The following RGL3 variants were observed in gnomAD, a reference collection of about 807,000 sequenced individuals.
RGL3 encodes the protein ral guanine nucleotide dissociation stimulator like 3, also known as ral guanine nucleotide dissociation stimulator-like 3.
A neutral mutation model predicts 90.6 loss-of-function variants in RGL3; 85 were observed. That is an observed-to-expected ratio of 0.94 (90% CI 0.79 to 1.12). The LOEUF (loss-of-function observed/expected upper bound fraction) is 1.12, where lower values mean the gene tolerates loss of function less well. Ranked by LOEUF, RGL3 falls within the 50% of genes most tolerant of loss-of-function variation. The probability of loss-of-function intolerance (pLI) is 0.00; values close to 1 mark genes in which losing one functional copy is unlikely to be tolerated. For synonymous variants in RGL3, 408 were observed against 385.5 expected (o/e 1.06, Z -0.68); for missense variants, 1,034 against 939.2 (o/e 1.10, Z -1.32).
In RGL3 at chr19:11,400,280, A is replaced by G; in HGVS notation, c.1502T>C (p.Val501Ala). 1 of 1,590,780 alleles carries G rather than the reference A, an allele frequency of 6.3e-7. No homozygotes were observed. The highest frequency in any genetic ancestry group is 1.1e-5 in the South Asian group (1 of 87,996). The change falls in exon 14 of 19, where the codon GTC (valine) becomes GCC (alanine). Residue 501 changes from valine (V) to alanine (A), a missense_variant. Val to Ala is a moderately conservative substitution (Grantham distance 64, BLOSUM62 0). Coordinates refer to ENST00000380456, the MANE Select transcript of RGL3 (RefSeq NM_001035223.4). The part of the protein sequence containing the change: ...TEEQSYRLSR[V>A]IEPPAASCPS... ...GCAGGAGGCAGCTGGTGGCTCAATG[A>G]CCCGGGAGAGCCGGTAGCTGAGGGG...
intron 9 of RGL3, among the ~76,000 whole-genome samples, chr19:11,404,848 C>T (rs541907219): frequency 3.0e-4 from 45 of 152,176 alleles, no homozygotes; most frequent in Non-Finnish European, 5.6e-4. Flanking sequence ...GTAAAGTCCT[C>T]AGAACATTTT....
intron 13 of RGL3, among the ~76,000 whole-genome samples, chr19:11,401,616 G>A (rs541874476): frequency 2.0e-5 from 3 of 151,818 alleles, no homozygotes; most frequent in Non-Finnish European, 2.9e-5. Context: ...AGCCAGGCTG[G>A]TCTCAAACTC....
At chr19:11,397,211 C>G (rs375550962) in intron 18 of RGL3, 33 bp downstream of exon 18, 2 of 1,590,564 alleles carry the variant, frequency 1.3e-6, no homozygotes, top group Non-Finnish European at 1.7e-6. Context: ...CCCCGCTGCC[C>G]CCTATCCTGA....
chr19:11,411,643 G>A (rs1241597734), intron 5 of RGL3, among the ~76,000 whole-genome samples: 2 of 152,146 alleles, frequency 1.3e-5, no homozygotes, highest in African/African-American at 4.8e-5. Context: ...TGTTTTTGAG[G>A]CAGGGTCTCG....
At chr19:11,396,158 ATTTTTTTTTTTTTTT>A (rs1169850022) in intron 18 of RGL3, among the ~76,000 whole-genome samples, 2 of 25,632 alleles carry the variant, frequency 7.8e-5, no homozygotes, top group South Asian at 2.0e-3. Context: ...ATATATATAT[ATTTTTTTTTTTTTTT>A]TTTTTTTTTT....
At chr19:11,405,521 T>A in intron 7 of RGL3, 95 bp from the exon 8 acceptor site, 1 of 727,936 alleles carries the variant, frequency 1.4e-6, no homozygotes, top group Non-Finnish European at 1.9e-6. Context: ...TTTTTTTTTT[T>A]TTTTTTTTTT....
chr19:11,418,236 T>G (rs916820487), intron 2 of RGL3, among the ~76,000 whole-genome samples: 2 of 10,740 alleles, frequency 1.9e-4, no homozygotes, highest in African/African-American at 3.3e-4. Flanking sequence ...TCCCGTCCCC[T>G]CCCCCCACCC....
intron 16 of RGL3, among the ~76,000 whole-genome samples, chr19:11,398,891 G>C (rs573683733): frequency 6.6e-6 from 1 of 150,752 alleles, no homozygotes; most frequent in Non-Finnish European, 1.5e-5. Context: ...GGATGGTCTC[G>C]ATCTCTTGAC....
intron 9 of RGL3, among the ~76,000 whole-genome samples, chr19:11,404,756 C>T (rs575352886): frequency 6.6e-6 from 1 of 152,208 alleles, no homozygotes; most frequent in South Asian, 2.1e-4. Context: ...TAAAAACCAG[C>T]GCCTGATTGC....
chr19:11,416,281 T>C (rs914713837), intron 4 of RGL3, 133 bp from the exon 5 acceptor site: 2 of 735,690 alleles, frequency 2.7e-6, no homozygotes, highest in Non-Finnish European at 2.1e-6. Context: ...TGCAATGGCC[T>C]GATCTTGACT....
At chr19:11,404,566 G>A (rs371889963) in intron 9 of RGL3, among the ~76,000 whole-genome samples, 11 of 151,818 alleles carry the variant, frequency 7.2e-5, no homozygotes, top group African/African-American at 2.7e-4. Flanking sequence ...AAATGATGAC[G>A]ACAACAACAA....
intron 18 of RGL3, 71 bp from the exon 19 acceptor site, chr19:11,394,591 CCT>C: frequency 2.6e-6 from 3 of 1,161,494 alleles, no homozygotes; most frequent in South Asian, 1.2e-5. Context: ...GACCCGGGAG[CCT>C]CCTGCCACTC....
rs534984253 is a variant in RGL3 at position 11,405,061 on chromosome 19, T to C, written c.1185+86A>G. ...AGGGAAGGACAGAGTGTCCTGACTA[T>C]AGCAGGGAGATTACCCCTGCCTGGC... On this transcript the variant is annotated intron_variant, in intron 9 of 18. Coordinates refer to ENST00000380456, the MANE Select transcript of RGL3 (RefSeq NM_001035223.4). 2.9e-5 allele frequency: 31 copies of C among 1,053,162 alleles called. No individual in the cohort carries two copies. In the African/African-American group the frequency reaches 4.7e-4, roughly 16 times the overall value. The allele number at this position is 1,053,162 out of a possible 1,614,324, so 65.2% of individuals were successfully genotyped here.
chr19:11,402,015 G>GC lies in RGL3; in HGVS notation c.1479dup (p.Gln494AlafsTer10). The GC allele has an allele frequency of 6.5e-7, 1 of 1,545,944 alleles. No homozygotes were observed. Among genetic ancestry groups the GC allele is most frequent in the Non-Finnish European group, 8.7e-7 (1 of 1,147,844 alleles). The stretch of plus-strand genomic sequence containing the variant: ...GACAGGCTACAGGGTGGTCACCTCT[G>GC]CTCCTCGGTGAGCTGGTTCTGGGCA... On this transcript the variant is annotated frameshift_variant, in exon 13 of 19. Transcript: ENST00000380456. LOFTEE classifies it high-confidence loss of function.
chr19:11,411,589 A>G (rs1255946744), intron 5 of RGL3: 1 of 152,252 alleles, frequency 6.6e-6, no homozygotes, highest in African/African-American at 2.4e-5. Context: ...GTTCAGGCAC[A>G]AACAGGGGAT....
intron 5 of RGL3, among the ~76,000 whole-genome samples, chr19:11,410,540 C>T (rs962655016): frequency 5.3e-5 from 8 of 151,718 alleles, no homozygotes; most frequent in Non-Finnish European, 1.2e-4. Flanking sequence ...TTTAAAGTTG[C>T]GCATCCTGAT....
chr19:11,401,906 G>T, intron 13 of RGL3, 105 bp downstream of exon 13: 1 of 1,411,278 alleles, frequency 7.1e-7, no homozygotes, highest in Non-Finnish European at 9.4e-7. Flanking sequence ...CAGGGCTCAA[G>T]AGGGGGTCTT....
Position 11,419,282 on chromosome 19 carries a change from C to T in RGL3, c.-4G>A, listed in dbSNP as rs1549168. 496,173 of 1,556,498 alleles carry T rather than the reference C, an allele frequency of 0.32. 83,048 individuals carry two copies. Among genetic ancestry groups the T allele is most frequent in the Non-Finnish European group, 0.35 (399,895 of 1,152,264 alleles). ...CTTTGCCTGCTGTGCGCTCCATGGC[C>T]GGCGCCCGTCCCTCTCAGTGGCGCC... On this transcript the variant is annotated 5_prime_UTR_variant, in exon 1 of 19. Coordinates refer to ENST00000380456, the MANE Select transcript of RGL3 (RefSeq NM_001035223.4).
chr19:11,414,153 A>ACACACC (rs1162578447), intron 5 of RGL3, among the ~76,000 whole-genome samples: 1 of 85,012 alleles, frequency 1.2e-5, no homozygotes, highest in East Asian at 5.8e-4. Context: ...ATATATATAT[A>ACACACC]TATATATATA....
Sources: gnomAD v4.1 joint callset for allele counts (sites outside exome capture counted in the v4.1 genomes callset) on GRCh38, gnomAD v4.1.1 for gene constraint, MANE v1.5 for transcripts, NCBI Gene and HGNC (gene_info 2026-07-23, HGNC 2026-07-21) for gene names.